ATP2B2: variants seen among roughly 807,000 people sequenced by gnomAD.
ATP2B2 encodes plasma membrane calcium-transporting ATPase 2.
ATP2B2 carries 15 observed loss-of-function variants against 120.0 expected under a neutral mutation model. The ratio of observed to expected loss-of-function variants is 0.12; its 90% CI spans 0.08 to 0.19. The LOEUF is 0.19. Ranked by LOEUF, ATP2B2 falls within the 10% of genes least tolerant of loss-of-function variation. The pLI is 1.00. For synonymous variants in ATP2B2, 694 were observed against 700.3 expected, an observed-to-expected ratio of 0.99 and a Z score of 0.14; for missense variants, 1,045 against 1,719.8, an observed-to-expected ratio of 0.61 and a Z score of 6.94.
At chr3:10,572,186 T>C (rs1017917048) in intron 2 of ATP2B2, among the ~76,000 whole-genome samples, 1 of 152,346 alleles carries the variant, frequency 6.6e-6, no homozygotes, top group Middle Eastern at 3.4e-3. Flanking sequence ...AGCTGCCCGC[T>C]GGCCCATCTG....
intron 2 of ATP2B2, among the ~76,000 whole-genome samples, chr3:10,588,223 G>A (rs963643708): frequency 3.9e-5 from 6 of 152,172 alleles, no homozygotes; most frequent in South Asian, 4.1e-4. Context: ...GCCTTTACTC[G>A]CTGGATGCCA....
intron 2 of ATP2B2, among the ~76,000 whole-genome samples, chr3:10,541,937 G>C (rs1362878188): frequency 1.3e-5 from 2 of 152,152 alleles, no homozygotes; most frequent in Middle Eastern, 3.4e-3. Context: ...CTATTGTTTG[G>C]TGTACACATA....
upstream of ATP2B2, among the ~76,000 whole-genome samples, chr3:10,510,407 G>C (rs370495444): frequency 6.6e-6 from 1 of 152,266 alleles, no homozygotes; most frequent in Admixed American, 6.5e-5. Flanking sequence ...AGGGGAATTG[G>C]AGCTTGAAAT....
At chr3:10,489,253 A>T (rs909055812) in intron 1 of ATP2B2, among the ~76,000 whole-genome samples, 2 of 151,824 alleles carry the variant, frequency 1.3e-5, no homozygotes, top group African/African-American at 4.8e-5. Context: ...TTGACGATCC[A>T]CTCATTTATG....
intron 1 of ATP2B2, among the ~76,000 whole-genome samples, chr3:10,622,894 T>C (rs1559491787): frequency 6.6e-6 from 1 of 152,178 alleles, no homozygotes; most frequent in East Asian, 1.9e-4. Flanking sequence ...CTCCATAGCT[T>C]CCTGGCCCAT....
chr3:10,697,983 C>T (rs574026852), intron 1 of ATP2B2, among the ~76,000 whole-genome samples: 166 of 152,314 alleles, frequency 1.1e-3, no homozygotes, highest in African/African-American at 3.8e-3. Context: ...GGAGAGTCAG[C>T]GTACAGTTGG....
At chr3:10,452,288 G>C (rs2064085293) in intron 1 of ATP2B2, among the ~76,000 whole-genome samples, 1 of 152,200 alleles carries the variant, frequency 6.6e-6, no homozygotes, top group Non-Finnish European at 1.5e-5. Context: ...GGAGAGTGTT[G>C]GCATTTGGGT....
chr3:10,693,585 C>G (rs1474584463), intron 1 of ATP2B2, among the ~76,000 whole-genome samples: 3 of 152,270 alleles, frequency 2.0e-5, no homozygotes, highest in Non-Finnish European at 4.4e-5. Flanking sequence ...ACGCCTGATT[C>G]TGCTTCTTGC....
chr3:10,574,881 A>C (rs905312955), intron 2 of ATP2B2, among the ~76,000 whole-genome samples: 1 of 151,720 alleles, frequency 6.6e-6, no homozygotes, highest in African/African-American at 2.4e-5. Flanking sequence ...GAGGAGGGGG[A>C]TATGAGGGTG....
rs115544802 is a variant in ATP2B2 at position 10,593,093 on chromosome 3, T to C, written c.-415+26824A>G. Among the ~76,000 whole-genome samples, 1,418 of 152,348 alleles carry C rather than the reference T, an allele frequency of 9.3e-3. 10 individuals carry two copies. Among genetic ancestry groups the C allele is most frequent in the Middle Eastern group, 0.027 (8 of 294 alleles). ...GAACCACCACGCCCAGCCCATTTGC[T>C]ATCTCTTCTAATGGGTCTCAGGGAA... On this transcript the variant is annotated intron_variant, in intron 2 of 21. Coordinates refer to the ATP2B2 transcript ENST00000646379.
intron 1 of ATP2B2, among the ~76,000 whole-genome samples, chr3:10,476,667 T>C (rs1575348541): frequency 6.6e-6 from 1 of 152,222 alleles, no homozygotes; most frequent in Non-Finnish European, 1.5e-5. Flanking sequence ...ATGTGGATGG[T>C]GCTCTTTCCC....
chr3:10,325,428 C>T lies in ATP2B2; in HGVS notation c.*3386G>A, dbSNP rs1465856487. 1.3e-5 allele frequency: 2 copies of T among 152,170 alleles called. No homozygotes were observed. The highest frequency in any genetic ancestry group is 3.8e-4 in the East Asian group (2 of 5,198). 9.4% of individuals were successfully genotyped at this position (152,170 alleles called of 1,614,324 possible). A position where few individuals can be genotyped will look rare whatever the true frequency, so the allele number is the denominator to read the frequency against. ...GAGAAGAGAAGTTCCAGAAATAGATCTAAGTCTATGTAAGACATCAGTGTG... is the reference window on the plus strand; with the variant it reads ...GAGAAGAGAAGTTCCAGAAATAGATTTAAGTCTATGTAAGACATCAGTGTG... On this transcript the variant is annotated 3_prime_UTR_variant, in exon 23 of 23. Coordinates refer to ENST00000360273, the MANE Select transcript of ATP2B2 (RefSeq NM_001001331.4).
intron 2 of ATP2B2, among the ~76,000 whole-genome samples, chr3:10,429,100 C>A (rs987991454): frequency 2.0e-5 from 3 of 152,282 alleles, no homozygotes; most frequent in Admixed American, 2.0e-4. Context: ...TCCACTCAGG[C>A]CCCACCTCCC....
At chr3:10,469,079 T>A (rs1366012378) in intron 1 of ATP2B2, among the ~76,000 whole-genome samples, 1 of 152,190 alleles carries the variant, frequency 6.6e-6, no homozygotes, top group Non-Finnish European at 1.5e-5. Flanking sequence ...GTGGATCGAC[T>A]TCGATGTGTA....
chr3:10,674,242 G>A (rs2071190541), intron 1 of ATP2B2, among the ~76,000 whole-genome samples: 1 of 152,142 alleles, frequency 6.6e-6, no homozygotes, highest in African/African-American at 2.4e-5. Context: ...GGTCCTCTCA[G>A]CCACCTACTG....
intron 1 of ATP2B2, among the ~76,000 whole-genome samples, chr3:10,501,373 G>GTT (rs71626976): frequency 7.6e-5 from 11 of 143,830 alleles, no homozygotes; most frequent in Non-Finnish European, 1.2e-4. Context: ...TTTTTAAACG[G>GTT]TTTTTTTTTT....
At chr3:10,371,712 T>A in intron 12 of ATP2B2, 97 bp downstream of exon 12, 2 of 1,578,768 alleles carry the variant, frequency 1.3e-6, no homozygotes, top group Non-Finnish European at 1.7e-6. Flanking sequence ...ATTAGCAGGA[T>A]TTGAGACTAT....
chr3:10,684,439 C>A (rs149729410), intron 1 of ATP2B2, among the ~76,000 whole-genome samples: 13 of 152,324 alleles, frequency 8.5e-5, no homozygotes, highest in African/African-American at 2.9e-4. Context: ...TTATGTGAAC[C>A]AATCCCTTTC....
chr3:10,619,237 A>G (rs540099963), intron 2 of ATP2B2, among the ~76,000 whole-genome samples: 2 of 152,102 alleles, frequency 1.3e-5, no homozygotes, highest in Non-Finnish European at 2.9e-5. Context: ...CATGATGGTG[A>G]GGGTTTCAGG....
Sources: allele counts gnomAD v4.1 joint callset (sites outside exome capture counted in the v4.1 genomes callset), GRCh38; gene constraint gnomAD v4.1.1; transcripts MANE v1.5; gene names NCBI Gene and HGNC (gene_info 2026-07-23, HGNC 2026-07-21).